Variants in GUCY1B1 observed in about 807,000 individuals in gnomAD.
The protein encoded by GUCY1B1 is guanylate cyclase 1 soluble subunit beta 1.
A neutral mutation model predicts 71.0 loss-of-function variants in GUCY1B1; 43 were observed. The ratio of observed to expected loss-of-function variants is 0.61; its 90% CI spans 0.47 to 0.78. The LOEUF (loss-of-function observed/expected upper bound fraction) is 0.78. Among genes scored for constraint, GUCY1B1 ranks in the 30% least tolerant of loss-of-function variants. The pLI, the probability that GUCY1B1 is intolerant of heterozygous loss-of-function variation, is 0.00. For synonymous variants in GUCY1B1, 266 were observed against 259.7 expected, an observed-to-expected ratio of 1.02 and a Z score of -0.23; for missense variants, 535 against 754.1, an observed-to-expected ratio of 0.71 and a Z score of 3.40.
intron 9 of GUCY1B1, among the ~76,000 whole-genome samples, chr4:155,801,700 C>T (rs1217970918): frequency 6.6e-6 from 1 of 152,138 alleles, no homozygotes; most frequent in Admixed American, 6.5e-5. Flanking sequence ...CTAAATTCAC[C>T]AGCTGTCATC....
intron 4 of GUCY1B1, among the ~76,000 whole-genome samples, chr4:155,781,631 GATAA>G (rs1579217862): frequency 6.6e-6 from 1 of 151,370 alleles, no homozygotes; most frequent in African/African-American, 2.4e-5. Flanking sequence ...ATATATTTAC[GATAA>G]ATAAAATTTA....
Position 155,794,076 on chromosome 4 carries a change from T to A in GUCY1B1, c.716T>A (p.Val239Asp). The change falls in exon 6 of 14, where the codon GTT (valine) becomes GAT (aspartate). Residue 239 changes from valine to aspartate, a missense_variant. By Grantham distance (152) the Val-to-Asp change is radical. Transcript: ENST00000264424. ...VTQCGNAIYR[V>D]LPQLQPGNCS... is the part of the protein sequence containing the mutation. ...CAGTGTGGCAATGCTATATACAGAG[T>A]TCTCCCCCAGGTAAAATGACAGCAT... is the stretch of plus-strand genomic sequence containing the variant. 1 of 1,580,738 alleles carries A rather than the reference T, an allele frequency of 6.3e-7. No individual in the cohort carries two copies. The highest frequency in any genetic ancestry group is 1.1e-5 in the South Asian group (1 of 89,862).
At chr4:155,787,376 G>C (rs977124815) in intron 4 of GUCY1B1, among the ~76,000 whole-genome samples, 1 of 152,148 alleles carries the variant, frequency 6.6e-6, no homozygotes, top group African/African-American at 2.4e-5. Flanking sequence ...ATAATTGTGG[G>C]GAAGGAAACA....
chr4:155,794,071 C>T lies in GUCY1B1; in HGVS notation c.711C>T (p.Tyr237=). The part of the protein sequence containing the change: ...LVVTQCGNAI[Y]RVLPQLQPGN... Reference sequence around the variant, plus strand: ...TCACTCAGTGTGGCAATGCTATATACAGAGTTCTCCCCCAGGTAAAATGAC... The same window carrying T: ...TCACTCAGTGTGGCAATGCTATATATAGAGTTCTCCCCCAGGTAAAATGAC... The change falls in exon 6 of 14, where the codon TAC becomes TAT. Residue 237 remains tyrosine (Y), a synonymous_variant. Coordinates refer to ENST00000264424, the MANE Select transcript of GUCY1B1 (RefSeq NM_000857.5). The T allele has an allele frequency of 3.1e-6, 5 of 1,587,606 alleles. No homozygotes were observed. Among genetic ancestry groups the T allele is most frequent in the Non-Finnish European group, 4.3e-6 (5 of 1,156,240 alleles).
intron 2 of GUCY1B1, among the ~76,000 whole-genome samples, chr4:155,761,177 C>T (rs1348108824): frequency 6.6e-6 from 1 of 152,168 alleles, no homozygotes. Context: ...AGAACATAGG[C>T]ACCAAAAGTT....
intron 13 of GUCY1B1, 141 bp from the exon 14 acceptor site, chr4:155,806,245 A>G (rs1276795700): frequency 1.3e-5 from 7 of 544,230 alleles, no homozygotes; most frequent in Non-Finnish European, 2.0e-5. Flanking sequence ...TGTTTTTCCC[A>G]GAATTATGGT....
intron 4 of GUCY1B1, among the ~76,000 whole-genome samples, chr4:155,786,557 C>A (rs181073890): frequency 6.7e-6 from 1 of 149,274 alleles, no homozygotes; most frequent in Admixed American, 6.8e-5. Context: ...GCAAGCTCCA[C>A]CTCCCGGGTT....
intron 2 of GUCY1B1, among the ~76,000 whole-genome samples, chr4:155,772,978 G>A (rs1338180063): frequency 6.6e-6 from 1 of 152,226 alleles, no homozygotes; most frequent in African/African-American, 2.4e-5. Context: ...CACAGATATA[G>A]TCATGAGTGG....
chr4:155,772,502 C>T (rs1309070308), intron 2 of GUCY1B1: 12 of 475,008 alleles, frequency 2.5e-5, no homozygotes, highest in Non-Finnish European at 4.2e-5. Flanking sequence ...GAGGCCTCAA[C>T]TCCCGAGGCT....
chr4:155,781,607 A>T (rs559969667), intron 4 of GUCY1B1, among the ~76,000 whole-genome samples: 1 of 152,044 alleles, frequency 6.6e-6, no homozygotes, highest in African/African-American at 2.4e-5. Context: ...AATTTAGGAT[A>T]AATAATATTT....
chr4:155,779,646 C>A (rs1380677592), intron 4 of GUCY1B1, among the ~76,000 whole-genome samples: 1 of 151,962 alleles, frequency 6.6e-6, no homozygotes, highest in Admixed American at 6.6e-5. Context: ...ATTTTAAGGG[C>A]AAATTGAATA....
At chr4:155,767,280 A>G (rs1191717064) in intron 2 of GUCY1B1, among the ~76,000 whole-genome samples, 3 of 152,184 alleles carry the variant, frequency 2.0e-5, no homozygotes, top group South Asian at 4.1e-4. Flanking sequence ...ATTTTTGACA[A>G]CAATATTTTT....
chr4:155,795,996 G>A (rs1021327401), intron 7 of GUCY1B1, among the ~76,000 whole-genome samples: 6 of 152,160 alleles, frequency 3.9e-5, no homozygotes, highest in Non-Finnish European at 8.8e-5. Context: ...ATTTGGAACT[G>A]ACTGTTTGCA....
intron 8 of GUCY1B1, among the ~76,000 whole-genome samples, chr4:155,797,409 A>T (rs1365807236): frequency 2.6e-5 from 4 of 152,174 alleles, no homozygotes; most frequent in Non-Finnish European, 4.4e-5. Context: ...TTACTATTGT[A>T]TTATACATTA....
chr4:155,795,466 G>A lies in GUCY1B1; in HGVS notation c.843+9G>A. ...TTGTATTGAGAAGCAAGGTAATCAA[G>A]ATATTATTTCATTAAATGTGAGAAA... On this transcript the variant is annotated intron_variant, in intron 7 of 13. Coordinates refer to ENST00000264424, the MANE Select transcript of GUCY1B1 (RefSeq NM_000857.5). 1 of 1,234,800 alleles carries A rather than the reference G, an allele frequency of 8.1e-7. No individual in the cohort carries two copies. Among genetic ancestry groups the A allele is most frequent in the Non-Finnish European group, 1.2e-6 (1 of 841,796 alleles). The allele number at this position is 1,234,800 out of a possible 1,614,324, so 76.5% of individuals were successfully genotyped here.
intron 8 of GUCY1B1, among the ~76,000 whole-genome samples, chr4:155,799,137 C>T (rs1739770120): frequency 6.6e-6 from 1 of 152,014 alleles, no homozygotes; most frequent in Non-Finnish European, 1.5e-5. Context: ...TGCCCAGCCT[C>T]AAAGAGTACA....
At chr4:155,759,905 T>C in intron 2 of GUCY1B1, 45 bp downstream of exon 2, 1 of 1,424,790 alleles carries the variant, frequency 7.0e-7, no homozygotes, top group Non-Finnish European at 9.9e-7. Context: ...CGGCGCCCAG[T>C]GTGGGAGGCC....
chr4:155,777,395 A>T, intron 3 of GUCY1B1, 129 bp from the exon 4 acceptor site: 1 of 633,552 alleles, frequency 1.6e-6, no homozygotes, highest in Admixed American at 2.6e-5. Flanking sequence ...TTTTCATATG[A>T]TCTATGCTTG....
Position 155,759,021 on chromosome 4 carries a change from G to C in GUCY1B1, c.-120G>C. On this transcript the variant is annotated 5_prime_UTR_variant, in exon 1 of 14. Transcript: ENST00000264424. ...AGGGCGGGCCAAGGCGGCTGTTCTC[G>C]CTCCAGCTCGATGCTGCCTCCCCGG... The C allele has an allele frequency of 2.6e-6, 3 of 1,132,940 alleles. No homozygotes were observed. The highest frequency in any genetic ancestry group is 3.9e-6 in the Non-Finnish European group (3 of 776,068). 70.2% of individuals were successfully genotyped at this position (1,132,940 alleles called of 1,614,324 possible). A position where few individuals can be genotyped will look rare whatever the true frequency, so the allele number is the denominator to read the frequency against.
Sources: allele counts gnomAD v4.1 joint callset (sites outside exome capture counted in the v4.1 genomes callset), GRCh38; gene constraint gnomAD v4.1.1; transcripts MANE v1.5; gene names NCBI Gene and HGNC (gene_info 2026-07-23, HGNC 2026-07-21).